Variants in DPP10 observed in about 807,000 individuals in gnomAD.
The protein encoded by DPP10 is dipeptidyl peptidase like 10, also known as inactive dipeptidyl peptidase 10.
DPP10 carries 33 observed loss-of-function variants against 120.9 expected under a neutral mutation model. That is an observed-to-expected ratio of 0.27 (90% CI 0.21 to 0.37). DPP10 has a LOEUF of 0.37. Ranked by LOEUF, DPP10 falls within the 10% of genes least tolerant of loss-of-function variation. The pLI is 1.00. For synonymous variants in DPP10, 337 were observed against 326.1 expected, an observed-to-expected ratio of 1.03 and a Z score of -0.36; for missense variants, 816 against 942.8, an observed-to-expected ratio of 0.87 and a Z score of 1.76.
chr2:115,393,154 A>T (rs928216412), intron 3 of DPP10, among the ~76,000 whole-genome samples: 1 of 152,050 alleles, frequency 6.6e-6, no homozygotes, highest in Non-Finnish European at 1.5e-5. Flanking sequence ...CTCTACTAAG[A>T]TTACAAAAAT....
intron 5 of DPP10, among the ~76,000 whole-genome samples, chr2:115,619,708 C>A (rs1272435591): frequency 6.6e-6 from 1 of 152,178 alleles, no homozygotes; most frequent in Admixed American, 6.5e-5. Flanking sequence ...TTCTCAGTGT[C>A]TCTGCTTTTC....
chr2:114,557,339 C>G (rs1240102450), intron 1 of DPP10, among the ~76,000 whole-genome samples: 1 of 152,130 alleles, frequency 6.6e-6, no homozygotes, highest in African/African-American at 2.4e-5. Context: ...GATGATCCAT[C>G]TGTCTCTGCA....
chr2:115,027,374 GA>G (rs944329905), intron 1 of DPP10, among the ~76,000 whole-genome samples: 2 of 151,900 alleles, frequency 1.3e-5, no homozygotes, highest in Admixed American at 6.6e-5. Context: ...GTATTGTGTT[GA>G]AAAAAAGTGA....
At chr2:114,829,634 C>T (rs554271461) in intron 1 of DPP10, among the ~76,000 whole-genome samples, 1 of 151,842 alleles carries the variant, frequency 6.6e-6, no homozygotes, top group Admixed American at 6.5e-5. Context: ...GTCTCAGCCT[C>T]CCAAAGTGCT....
chr2:115,125,739 TTTTC>T (rs2050047250), intron 1 of DPP10, among the ~76,000 whole-genome samples: 1 of 151,840 alleles, frequency 6.6e-6, no homozygotes, highest in South Asian at 2.1e-4. Flanking sequence ...ACAGGGCTAA[TTTTC>T]TTTTTTTTTT....
chr2:114,893,574 T>G (rs1215410938), intron 1 of DPP10, among the ~76,000 whole-genome samples: 1 of 152,062 alleles, frequency 6.6e-6, no homozygotes, highest in Non-Finnish European at 1.5e-5. Flanking sequence ...GGCTGTAGAA[T>G]AGGAAACCCA....
chr2:114,911,708 T>C (rs1386391209), intron 1 of DPP10, among the ~76,000 whole-genome samples: 1 of 152,178 alleles, frequency 6.6e-6, no homozygotes, highest in Non-Finnish European at 1.5e-5. Flanking sequence ...GTAAGTTTAG[T>C]GGCCAAGGAA....
chr2:114,912,744 A>G (rs1181418551), intron 1 of DPP10, among the ~76,000 whole-genome samples: 1 of 152,186 alleles, frequency 6.6e-6, no homozygotes, highest in East Asian at 1.9e-4. Context: ...TTGAATAGGC[A>G]TAGAGTGGCC....
intron 1 of DPP10, among the ~76,000 whole-genome samples, chr2:115,160,625 G>A (rs1055394808): frequency 2.6e-5 from 4 of 152,100 alleles, no homozygotes; most frequent in African/African-American, 9.7e-5. Context: ...CCATTTCTCC[G>A]GTAAGCAATC....
At chr2:115,747,346 A>T (rs1678108998) in intron 10 of DPP10, among the ~76,000 whole-genome samples, 1 of 152,242 alleles carries the variant, frequency 6.6e-6, no homozygotes, top group African/African-American at 2.4e-5. Context: ...TGACCAAATC[A>T]AATAGTAACA....
At chr2:115,545,601 G>A (rs2079452926) in intron 5 of DPP10, among the ~76,000 whole-genome samples, 1 of 152,136 alleles carries the variant, frequency 6.6e-6, no homozygotes, top group South Asian at 2.1e-4. Context: ...TGGTGTGGTA[G>A]GAGAGTTGGG....
intron 7 of DPP10, among the ~76,000 whole-genome samples, chr2:115,715,533 C>T (rs1342652837): frequency 6.6e-6 from 1 of 152,040 alleles, no homozygotes; most frequent in Admixed American, 6.6e-5. Context: ...TATAAACATA[C>T]CATACCATAT....
At chr2:115,770,453 T>C (rs527265612) in intron 13 of DPP10, among the ~76,000 whole-genome samples, 1 of 152,260 alleles carries the variant, frequency 6.6e-6, no homozygotes, top group East Asian at 1.9e-4. Context: ...TTTTTTTCTA[T>C]TCTGGTTGCT....
intron 1 of DPP10, among the ~76,000 whole-genome samples, chr2:114,554,225 CAA>C (rs1688107842): frequency 6.6e-6 from 1 of 152,200 alleles, no homozygotes; most frequent in South Asian, 2.1e-4. Context: ...TCAGAAATAT[CAA>C]GATACCTTAA....
intron 1 of DPP10, among the ~76,000 whole-genome samples, chr2:115,125,042 A>C (rs994073708): frequency 4.6e-5 from 7 of 152,174 alleles, no homozygotes; most frequent in Admixed American, 1.3e-4. Flanking sequence ...CTCCAGTCAT[A>C]AGTTCTTTTG....
intron 1 of DPP10, among the ~76,000 whole-genome samples, chr2:115,145,559 G>C (rs1438274913): frequency 6.6e-6 from 1 of 152,124 alleles, no homozygotes; most frequent in Non-Finnish European, 1.5e-5. Flanking sequence ...CTCCTGAAGG[G>C]CATCTTGGTT....
At chr2:114,955,279 C>G (rs1020052456) in intron 1 of DPP10, among the ~76,000 whole-genome samples, 1 of 152,176 alleles carries the variant, frequency 6.6e-6, no homozygotes, top group African/African-American at 2.4e-5. Context: ...AGAGGTCACT[C>G]TTGTCACCAT....
chr2:114,958,899 A>G (rs917197900), intron 1 of DPP10, among the ~76,000 whole-genome samples: 5 of 152,194 alleles, frequency 3.3e-5, no homozygotes, highest in African/African-American at 9.6e-5. Flanking sequence ...GGTTAAAAAA[A>G]GGGGGTAACT....
Position 114,486,071 on chromosome 2 carries a change from A to G in DPP10, c.60+43233A>G, listed in dbSNP as rs939675647. Among the ~76,000 whole-genome samples the G allele has an allele frequency of 3.3e-5, 5 of 152,188 alleles. No individual in the cohort carries two copies. The South Asian group carries it at 6.2e-4, about 19-fold the overall frequency. On this transcript the variant is annotated intron_variant, in intron 1 of 25. Coordinates refer to ENST00000410059, the MANE Select transcript of DPP10 (RefSeq NM_020868.6). ...GCCACATTCAGTCACCAGGTTAGGC[A>G]TAGAAGGAACAGGGCCTTAATATTA...
Sources: gnomAD v4.1 joint callset for allele counts (sites outside exome capture counted in the v4.1 genomes callset) on GRCh38, gnomAD v4.1.1 for gene constraint, MANE v1.5 for transcripts, NCBI Gene and HGNC (gene_info 2026-07-23, HGNC 2026-07-21) for gene names.